AXIN2: variants seen among roughly 807,000 people sequenced by gnomAD.
AXIN2 encodes the protein axin-2.
Under a neutral mutation model 74.7 loss-of-function variants are expected in AXIN2, and 21 were observed. The ratio of observed to expected loss-of-function variants is 0.28; its 90% confidence interval spans 0.20 to 0.40. The LOEUF is 0.40. AXIN2 is among the 10% of genes least tolerant of loss of function. The pLI, the probability that AXIN2 is intolerant of heterozygous loss-of-function variation, is 1.00. For synonymous variants in AXIN2, 532 were observed against 454.9 expected (o/e 1.17, Z -2.16); for missense variants, 1,144 against 1,111.1 (o/e 1.03, Z -0.42).
At chr17:65,549,154 T>C (rs2044156407) in intron 3 of AXIN2, among the ~76,000 whole-genome samples, 1 of 152,212 alleles carries the variant, frequency 6.6e-6, no homozygotes, top group Non-Finnish European at 1.5e-5. Flanking sequence ...ATACCTGGGT[T>C]TCTGGACCAG....
At position 65,538,350 on chromosome 17, in the gene AXIN2, G is replaced by A. The variant is rs1472705861; in HGVS notation, c.1060-7C>T. 3 of 1,614,100 alleles carry A rather than the reference G, an allele frequency of 1.9e-6. No homozygotes were observed. In the South Asian group the frequency reaches 3.3e-5, roughly 18 times the overall value. On this transcript the variant is annotated splice_polypyrimidine_tract_variant and splice_region_variant and intron_variant, in intron 4 of 10. Transcript: ENST00000307078. Reference sequence around the variant, plus strand: ...TGGGCAGGCGGTGGGTTCTCTACAGGACGTGGAAAGGAAAGGGAGGAGGCA... The same window carrying A: ...TGGGCAGGCGGTGGGTTCTCTACAGAACGTGGAAAGGAAAGGGAGGAGGCA...
chr17:65,555,866 AAG>A (rs2044260125), intron 2 of AXIN2, among the ~76,000 whole-genome samples: 1 of 152,066 alleles, frequency 6.6e-6, no homozygotes, highest in South Asian at 2.1e-4. Flanking sequence ...ATGCCCAGTT[AAG>A]ACATATGAGC....
rs202063197 is a variant in AXIN2, at chr17:65,538,165, C to T, written c.1200+38G>A. The T allele has an allele frequency of 5.1e-5, 82 of 1,613,970 alleles. No homozygotes were observed. The highest frequency in any genetic ancestry group is 1.8e-4 in the Admixed American group (11 of 60,030). On this transcript the variant is annotated intron_variant, in intron 5 of 10. Transcript: ENST00000307078. Reference sequence around the variant, plus strand: ...CGCATACACATACGAGCGCTCACGCCGTGGACGGAAGCAGGAAGAAGGCCT... The same window carrying T: ...CGCATACACATACGAGCGCTCACGCTGTGGACGGAAGCAGGAAGAAGGCCT...
At chr17:65,545,455 C>T (rs950549492) in intron 3 of AXIN2, among the ~76,000 whole-genome samples, 1 of 151,988 alleles carries the variant, frequency 6.6e-6, no homozygotes, top group Non-Finnish European at 1.5e-5. Context: ...TTTAGGAGGC[C>T]GAGGTGGGTG....
In AXIN2 at chr17:65,536,928, C is replaced by A. The variant is rs1362072020; in HGVS notation, c.1848G>T (p.Ser616=). ...LQLPREEGDR[S]QDVWQWMLES... ...CCAGCATCCACTGCCAGACATCCTGCGACCTGTCTCCTTCCTCCCGGGGAA... is the reference window on the plus strand; with the variant it reads ...CCAGCATCCACTGCCAGACATCCTGAGACCTGTCTCCTTCCTCCCGGGGAA... The change falls in exon 7 of 11, where the codon TCG becomes TCT. Residue 616 remains serine (S), a synonymous_variant. Transcript: ENST00000307078. 2.5e-6 allele frequency: 4 copies of A among 1,613,540 alleles called. No individual in the cohort carries two copies. The highest frequency in any genetic ancestry group is 2.2e-5 in the East Asian group (1 of 44,880).
intron 1 of AXIN2, chr17:65,560,001 C>T (rs2044339076): frequency 6.6e-6 from 1 of 152,236 alleles, no homozygotes; most frequent in African/African-American, 2.4e-5. Flanking sequence ...CCTCCGAGCC[C>T]CTCCGGCCCG....
rs372767920 is a variant in AXIN2 at position 65,538,232 on chromosome 17, G to A, written c.1171C>T (p.Leu391=). 7 of 1,614,048 alleles carry A rather than the reference G, an allele frequency of 4.3e-6. No individual in the cohort carries two copies. In the African/African-American group the frequency reaches 6.7e-5, roughly 15 times the overall value. Residue 391 remains leucine, a synonymous_variant, in exon 5 of 11, where the codon CTG becomes TTG. Transcript: ENST00000307078. ...CGGATCTGCTGCAGGCGCTCCTCCA[G>A]GCTGTGGCGGCTCTCCAACTCCAGC... ...LKLELESRHS[L]EERLQQIRED...
At position 65,537,185 on chromosome 17, in the gene AXIN2, C is replaced by T. The variant is rs34755285; in HGVS notation, c.1713-122G>A. 115,590 of 1,534,994 alleles carry T rather than the reference C, an allele frequency of 0.075. 4,798 individuals are homozygous for T. Among genetic ancestry groups the T allele is most frequent in the South Asian group, 0.11 (9,798 of 88,678 alleles). On this transcript the variant is annotated intron_variant, in intron 6 of 10. Transcript: ENST00000307078. ...ACGAAAGACCCATGCACCTGCTCCCCGCACCCTCACCCGGCCGTGCACTCT... is the reference window on the plus strand; with the variant it reads ...ACGAAAGACCCATGCACCTGCTCCCTGCACCCTCACCCGGCCGTGCACTCT...
intron 2 of AXIN2, among the ~76,000 whole-genome samples, chr17:65,554,000 CCA>C (rs2044231476): frequency 6.6e-6 from 1 of 152,196 alleles, no homozygotes. Flanking sequence ...AGCCTCACAT[CCA>C]CAGACCTGGT....
chr17:65,558,372 G>T lies in AXIN2; in HGVS notation c.249C>A (p.His83Gln). Residue 83 changes from histidine to glutamine, a missense_variant, in exon 2 of 11, where the codon CAC becomes CAA. By Grantham distance (24) the His-to-Gln change is conservative (BLOSUM62 0). Coordinates refer to ENST00000307078, the MANE Select transcript of AXIN2 (RefSeq NM_004655.4). ...SPLTRWTKSL[H>Q]SLLGDQDGAY... ...CACCGTCTTGATCGCCCAATAAGGA[G>T]TGTAAGGACTTGGTCCACCGGGTCA... The T allele has an allele frequency of 1.2e-6, 2 of 1,612,306 alleles. No individual in the cohort carries two copies. Among genetic ancestry groups the T allele is most frequent in the Non-Finnish European group, 1.7e-6 (2 of 1,178,494 alleles).
chr17:65,544,614 A>G (rs2044091890), intron 3 of AXIN2, among the ~76,000 whole-genome samples: 2 of 152,160 alleles, frequency 1.3e-5, no homozygotes, highest in African/African-American at 4.8e-5. Context: ...TCAAGCTCTA[A>G]AAGTCTGTGA....
At chr17:65,560,265 G>A (rs1195939161) in intron 1 of AXIN2, 4 of 152,260 alleles carry the variant, frequency 2.6e-5, no homozygotes, top group East Asian at 1.9e-4. Flanking sequence ...GCCGGGAGGA[G>A]GGACGCGAGG....
Position 65,537,454 on chromosome 17 carries a change from T to C in AXIN2, c.1582A>G (p.Lys528Glu), listed in dbSNP as rs756551019. 13 of 1,613,658 alleles carry C rather than the reference T, an allele frequency of 8.1e-6. No individual in the cohort carries two copies. The highest frequency in any genetic ancestry group is 1.3e-5 in the African/African-American group (1 of 74,846). The change falls in exon 6 of 11, where the codon AAG becomes GAG. Residue 528 changes from lysine to glutamate, a missense_variant. This residue lies in a region of AXIN2 where 1,053 missense variants were observed against 973.5 expected (regional missense o/e 1.08). Coordinates refer to ENST00000307078, the MANE Select transcript of AXIN2 (RefSeq NM_004655.4). ...GTGGCCTCCGCCTCGATCTCCTCCTTGGTCTTGGGGACGGCATGGTGGTGG... is the reference window on the plus strand; with the variant it reads ...GTGGCCTCCGCCTCGATCTCCTCCTCGGTCTTGGGGACGGCATGGTGGTGG... ...YIHHHAVPKTKEEIEAEATQR... is the reference protein window; with the variant it reads ...YIHHHAVPKTEEEIEAEATQR...
chr17:65,548,465 T>TA (rs1447985065), intron 3 of AXIN2, among the ~76,000 whole-genome samples: 1 of 152,220 alleles, frequency 6.6e-6, no homozygotes, highest in Non-Finnish European at 1.5e-5. Context: ...TGCCAGAACT[T>TA]ACACGGTTCA....
intron 2 of AXIN2, among the ~76,000 whole-genome samples, chr17:65,553,241 C>T (rs1401688027): frequency 6.6e-6 from 1 of 152,214 alleles, no homozygotes; most frequent in Non-Finnish European, 1.5e-5. Flanking sequence ...TGGCACGTGG[C>T]AGTGACTGAA....
rs145717795 is a variant in AXIN2, at chr17:65,537,399, C to A, written c.1637G>T (p.Gly546Val). ...TQRVHCFCPG[G>V]SEYYCYSKCK... ...TTTCGAGTAGCAGTAATACTCGCTG[C>A]CCCCAGGGCAGAAGCAGTGCACCCG... The change falls in exon 6 of 11, where the codon GGC becomes GTC. Residue 546 changes from glycine (G) to valine (V), a missense_variant. Gly to Val is a moderately radical substitution (Grantham distance 109). Around this residue, in one of 4 missense-constraint regions of AXIN2, gnomAD observed 1,053 missense variants for 973.5 expected, o/e 1.08. Transcript: ENST00000307078. 62 of 1,614,032 alleles carry A rather than the reference C, an allele frequency of 3.8e-5. No homozygotes were observed. The African/African-American group carries it at 7.6e-4, about 20-fold the overall frequency.
intron 3 of AXIN2, among the ~76,000 whole-genome samples, chr17:65,543,270 G>A (rs1387863676): frequency 1.3e-4 from 20 of 152,160 alleles, no homozygotes; most frequent in Admixed American, 1.3e-3. Context: ...ACCAGTGCTG[G>A]AGAAACACGT....
intron 2 of AXIN2, 27 bp from the exon 3 acceptor site, chr17:65,549,687 A>C (rs2044165466): frequency 6.3e-7 from 1 of 1,579,356 alleles, no homozygotes; most frequent in South Asian, 1.2e-5. Flanking sequence ...AAAGTGGTTC[A>C]GTCACTGACC....
chr17:65,532,781 G>A (rs558600917), intron 10 of AXIN2, among the ~76,000 whole-genome samples: 39 of 152,358 alleles, frequency 2.6e-4, no homozygotes, highest in Admixed American at 1.6e-3. Flanking sequence ...CCCTGGTGGC[G>A]GCAACGGGTT....
Sources: gnomAD v4.1 joint callset for allele counts (sites outside exome capture counted in the v4.1 genomes callset) on GRCh38, gnomAD v4.1.1 for gene constraint, gnomAD v4.1.1 regional missense constraint, MANE v1.5 for transcripts, NCBI Gene and HGNC (gene_info 2026-07-23, HGNC 2026-07-21) for gene names.